The following DDX31 variants were observed in gnomAD, a reference collection of about 807,000 sequenced individuals.
DDX31 encodes the protein ATP-dependent DNA helicase DDX31.
Under a neutral mutation model 91.3 loss-of-function variants are expected in DDX31, and 70 were observed. The ratio of observed to expected loss-of-function variants is 0.77; its 90% CI spans 0.63 to 0.94. The LOEUF is 0.94. Ranked by LOEUF, DDX31 falls within the 40% of genes least tolerant of loss-of-function variation. The pLI is 0.00. For synonymous variants in DDX31, 362 were observed against 350.6 expected, an observed-to-expected ratio of 1.03 and a Z score of -0.36; for missense variants, 902 against 925.0, an observed-to-expected ratio of 0.98 and a Z score of 0.32.
rs1168334593 is a variant in DDX31, at chr9:132,662,625, G to A, written c.146C>T (p.Thr49Ile). The A allele has an allele frequency of 1.2e-6, 2 of 1,614,106 alleles. No homozygotes were observed. The highest frequency in any genetic ancestry group is 8.5e-7 in the Non-Finnish European group (1 of 1,180,042). The change falls in exon 2 of 20, where the codon ACT (threonine) becomes ATT (isoleucine). Residue 49 changes from threonine to isoleucine, a missense_variant. Transcript: ENST00000372159. Reference sequence around the variant, plus strand: ...AGTTTTCTTGGCTGGGAGAAATGAAGTTTCGTTCCTCCGTTTCGCTGGGGG... The same window carrying A: ...AGTTTTCTTGGCTGGGAGAAATGAAATTTCGTTCCTCCGTTTCGCTGGGGG... ...EAPPAKRRNE[T>I]SFLPAKKTSV...
intron 14 of DDX31, among the ~76,000 whole-genome samples, chr9:132,638,958 T>C (rs1450250375): frequency 1.3e-5 from 2 of 151,902 alleles, no homozygotes; most frequent in Non-Finnish European, 2.9e-5. Context: ...GGGGGGAAAA[T>C]CCCCATGTAA....
At chr9:132,648,083 C>G in intron 11 of DDX31, 106 bp downstream of exon 11, 3 of 874,020 alleles carry the variant, frequency 3.4e-6, no homozygotes, top group Non-Finnish European at 5.2e-6. Flanking sequence ...TCCCTGCCCC[C>G]ACCTCCCTGA....
intron 5 of DDX31, 24 bp downstream of exon 5, chr9:132,659,686 G>C (rs1413696425): frequency 1.9e-6 from 3 of 1,596,372 alleles, no homozygotes; most frequent in Non-Finnish European, 2.6e-6. Flanking sequence ...AGATGAAAAA[G>C]GGCAGAGATG....
chr9:132,646,917 A>C lies in DDX31; in HGVS notation c.1109T>G (p.Phe370Cys), dbSNP rs1833874853. ...PPPAGDKLDS[F>C]AIPESLKQHV... ...CTGCTTGAGACTCTCTGGTATTGCA[A>C]AGCTGTCCAGCTTGTCGCCAGCTGG... Residue 370 changes from phenylalanine (F) to cysteine (C), a missense_variant, in exon 12 of 20, where the codon TTT becomes TGT. Transcript: ENST00000372159. 1 of 1,614,044 alleles carries C rather than the reference A, an allele frequency of 6.2e-7. No homozygotes were observed. The highest frequency in any genetic ancestry group is 8.5e-7 in the Non-Finnish European group (1 of 1,180,032).
chr9:132,656,767 C>G (rs1834595451), intron 6 of DDX31, among the ~76,000 whole-genome samples: 1 of 152,164 alleles, frequency 6.6e-6, no homozygotes, highest in Admixed American at 6.5e-5. Flanking sequence ...CTCAAATAGT[C>G]CAAACTCTTC....
At chr9:132,629,071 A>C (rs1181170661) in intron 16 of DDX31, among the ~76,000 whole-genome samples, 3 of 152,258 alleles carry the variant, frequency 2.0e-5, no homozygotes, top group African/African-American at 7.2e-5. Flanking sequence ...AAAGGGCAGC[A>C]AAGAGAGGCC....
intron 15 of DDX31, among the ~76,000 whole-genome samples, chr9:132,631,725 C>T (rs2130665848): frequency 6.6e-6 from 1 of 152,268 alleles, no homozygotes; most frequent in Admixed American, 6.5e-5. Context: ...CACAATGAGG[C>T]CTCCCAGGGA....
chr9:132,615,498 A>G (rs1040533384), intron 18 of DDX31, among the ~76,000 whole-genome samples: 11 of 151,862 alleles, frequency 7.2e-5, no homozygotes, highest in Non-Finnish European at 1.3e-4. Flanking sequence ...AGCATTTGGT[A>G]AAGTGCCCAG....
chr9:132,600,393 A>G (rs1830660191), intron 19 of DDX31, among the ~76,000 whole-genome samples: 1 of 152,070 alleles, frequency 6.6e-6, no homozygotes, highest in Non-Finnish European at 1.5e-5. Flanking sequence ...GAATCACAGC[A>G]GCATTCCTAG....
At chr9:132,607,071 T>C (rs936631490) in intron 19 of DDX31, among the ~76,000 whole-genome samples, 9 of 152,204 alleles carry the variant, frequency 5.9e-5, no homozygotes, top group African/African-American at 2.2e-4. Flanking sequence ...GTGTATGATT[T>C]CCACGAGGAT....
chr9:132,663,596 T>C, intron 1 of DDX31: 1 of 861,780 alleles, frequency 1.2e-6, no homozygotes, highest in Non-Finnish European at 1.4e-6. Context: ...ATCCCTTGAG[T>C]AGCCAGTGCT....
chr9:132,667,457 G>T (rs1473902844), intron 1 of DDX31, among the ~76,000 whole-genome samples: 1 of 151,938 alleles, frequency 6.6e-6, no homozygotes, highest in Non-Finnish European at 1.5e-5. Context: ...AAAAAAATTA[G>T]CCGGGTGTGG....
intron 14 of DDX31, among the ~76,000 whole-genome samples, chr9:132,633,355 T>C (rs1449591574): frequency 6.6e-6 from 1 of 152,162 alleles, no homozygotes; most frequent in African/African-American, 2.4e-5. Context: ...GTATCACTTC[T>C]AAAAGTCCAC....
Position 132,633,789 on chromosome 9 carries a change from T to C in DDX31, c.1441-1698A>G, listed in dbSNP as rs548225060. Among the ~76,000 whole-genome samples the C allele has an allele frequency of 1.4e-3, 210 of 152,298 alleles. 1 individual carries two copies. In the South Asian group the frequency reaches 0.016, roughly 11 times the overall value. On this transcript the variant is annotated intron_variant, in intron 14 of 19. Coordinates refer to ENST00000372159, the MANE Select transcript of DDX31 (RefSeq NM_022779.9). ...TACTTTTGACTCAGACCGAAGTGTA[T>C]TGGCATAATTTAAAAAGATAAACAG... is the stretch of plus-strand genomic sequence containing the variant.
At chr9:132,638,078 A>G (rs1833238513) in intron 14 of DDX31, 3 of 1,272,474 alleles carry the variant, frequency 2.4e-6, no homozygotes, top group Admixed American at 3.6e-5. Context: ...ATCTTCTGAA[A>G]AAGAAATGCA....
At chr9:132,658,986 G>C (rs1834762840) in intron 5 of DDX31, among the ~76,000 whole-genome samples, 1 of 152,220 alleles carries the variant, frequency 6.6e-6, no homozygotes, top group Non-Finnish European at 1.5e-5. Flanking sequence ...CATCTAACAA[G>C]AGATAACGAT....
chr9:132,642,708 C>T (rs915434543), intron 13 of DDX31, among the ~76,000 whole-genome samples: 1 of 151,620 alleles, frequency 6.6e-6, no homozygotes, highest in South Asian at 2.1e-4. Context: ...AGAATATGAA[C>T]ATCTCTTCAT....
intron 19 of DDX31, among the ~76,000 whole-genome samples, chr9:132,599,157 T>C (rs1259022507): frequency 6.6e-6 from 1 of 152,226 alleles, no homozygotes; most frequent in Admixed American, 6.5e-5. Flanking sequence ...CTACATGACA[T>C]AGGCATTTAA....
chr9:132,607,269 G>C (rs1051173185), intron 19 of DDX31, among the ~76,000 whole-genome samples: 1 of 152,242 alleles, frequency 6.6e-6, no homozygotes, highest in African/African-American at 2.4e-5. Flanking sequence ...TAAGGGGTAA[G>C]AGAGCCCCAG....
Sources: allele counts gnomAD v4.1 joint callset (sites outside exome capture counted in the v4.1 genomes callset), GRCh38; gene constraint gnomAD v4.1.1; transcripts MANE v1.5; gene names NCBI Gene and HGNC (gene_info 2026-07-23, HGNC 2026-07-21).